Variants in HCRTR2 observed in about 807,000 individuals in gnomAD.
HCRTR2 encodes hypocretin receptor 2, also known as orexin receptor type 2.
In HCRTR2, 22 loss-of-function variants were observed where a neutral mutation model predicts 49.0. That is an observed-to-expected ratio of 0.45 (90% CI 0.32 to 0.64). HCRTR2 has a LOEUF of 0.64. Among genes scored for constraint, HCRTR2 ranks in the 30% least tolerant of loss-of-function variants. The pLI is 0.04. For missense variants in HCRTR2, 491 were observed against 559.4 expected (o/e 0.88, Z 1.23); for synonymous variants, 236 against 205.3 (o/e 1.15, Z -1.28).
At chr6:55,212,406 A>G (rs753164004) in intron 1 of HCRTR2, among the ~76,000 whole-genome samples, 2 of 152,198 alleles carry the variant, frequency 1.3e-5, no homozygotes, top group African/African-American at 2.4e-5. Flanking sequence ...TAAAGCAACA[A>G]TATCAATCTT....
At chr6:55,112,074 C>T (rs531636358) in intron 1 of HCRTR2, among the ~76,000 whole-genome samples, 2 of 151,896 alleles carry the variant, frequency 1.3e-5, no homozygotes, top group South Asian at 2.1e-4. Flanking sequence ...GCAGAAAAAG[C>T]ATTTGACAAA....
chr6:55,108,019 A>G (rs1341569846), intron 1 of HCRTR2, among the ~76,000 whole-genome samples: 1 of 152,246 alleles, frequency 6.6e-6, no homozygotes, highest in South Asian at 2.1e-4. Flanking sequence ...ATCAGAAAAG[A>G]AAAAAATTGA....
chr6:55,251,874 C>T (rs1217433973), intron 2 of HCRTR2, among the ~76,000 whole-genome samples: 1 of 152,026 alleles, frequency 6.6e-6, no homozygotes, highest in African/African-American at 2.4e-5. Context: ...TCTCACTCCA[C>T]TTCATTCTCA....
In HCRTR2 at chr6:55,248,964, G is replaced by A. The variant is rs1248855046; in HGVS notation, c.402+147G>A. 7.0e-6 allele frequency: 5 copies of A among 710,098 alleles called. No individual in the cohort carries two copies. In the African/African-American group the frequency reaches 7.1e-5, roughly 10 times the overall value. The allele number at this position is 710,098 out of a possible 1,614,324, so 44.0% of individuals were successfully genotyped here. On this transcript the variant is annotated intron_variant, in intron 2 of 6. Coordinates refer to ENST00000370862, the MANE Select transcript of HCRTR2 (RefSeq NM_001384272.1). ...AGGAAAATAATACTTGAGAATTTCTGGAGAAATAAGTTAAGTTCTGGGTAA... is the reference window on the plus strand; with the variant it reads ...AGGAAAATAATACTTGAGAATTTCTAGAGAAATAAGTTAAGTTCTGGGTAA...
intron 1 of HCRTR2, among the ~76,000 whole-genome samples, chr6:55,163,842 C>G (rs1764840053): frequency 6.6e-6 from 1 of 152,008 alleles, no homozygotes; most frequent in Non-Finnish European, 1.5e-5. Flanking sequence ...GAACAGGCAA[C>G]CTATAAAATG....
At chr6:55,148,093 G>A (rs541277383) in intron 1 of HCRTR2, among the ~76,000 whole-genome samples, 1 of 152,228 alleles carries the variant, frequency 6.6e-6, no homozygotes, top group Admixed American at 6.5e-5. Context: ...GTTTCCAATG[G>A]TGAGGCAAAC....
intron 1 of HCRTR2, among the ~76,000 whole-genome samples, chr6:55,205,122 T>C (rs1034365836): frequency 5.9e-5 from 9 of 152,158 alleles, no homozygotes; most frequent in African/African-American, 1.9e-4. Context: ...GTCTATTCGA[T>C]AACCAAGTAA....
intron 1 of HCRTR2, among the ~76,000 whole-genome samples, chr6:55,111,486 G>A (rs1209429140): frequency 3.9e-5 from 6 of 151,936 alleles, no homozygotes; most frequent in Non-Finnish European, 8.8e-5. Context: ...TGATACCACA[G>A]AAATATGAAA....
chr6:55,172,084 C>T (rs1286615708), upstream of HCRTR2, among the ~76,000 whole-genome samples: 3 of 152,140 alleles, frequency 2.0e-5, no homozygotes, highest in Admixed American at 2.0e-4. Context: ...TGAACAAAGC[C>T]ACAGAAGGCC....
At chr6:55,212,366 C>T (rs537911598) in intron 1 of HCRTR2, among the ~76,000 whole-genome samples, 1 of 152,240 alleles carries the variant, frequency 6.6e-6, no homozygotes, top group Non-Finnish European at 1.5e-5. Flanking sequence ...TAGTAACATG[C>T]CCAGCTTCAG....
intron 4 of HCRTR2, among the ~76,000 whole-genome samples, chr6:55,267,969 T>TATC: frequency 6.6e-6 from 1 of 152,192 alleles, no homozygotes; most frequent in Non-Finnish European, 1.5e-5. Flanking sequence ...TATCTTCTGT[T>TATC]ATCTGATGTA....
intron 1 of HCRTR2, among the ~76,000 whole-genome samples, chr6:55,121,672 G>T (rs1463774341): frequency 1.3e-5 from 2 of 152,064 alleles, no homozygotes; most frequent in Non-Finnish European, 2.9e-5. Flanking sequence ...TAGCATGAAA[G>T]GCTGTTGAAT....
chr6:55,241,318 A>G (rs1277657338), intron 1 of HCRTR2, among the ~76,000 whole-genome samples: 1 of 152,186 alleles, frequency 6.6e-6, no homozygotes, highest in Non-Finnish European at 1.5e-5. Context: ...AAATATACTC[A>G]GTTCTACATT....
intron 1 of HCRTR2, among the ~76,000 whole-genome samples, chr6:55,123,198 C>G (rs1381016414): frequency 6.6e-6 from 1 of 151,896 alleles, no homozygotes; most frequent in Non-Finnish European, 1.5e-5. Flanking sequence ...GCATCCTTAT[C>G]TTGTGCTGGT....
chr6:55,121,226 C>CT (rs1764194898), intron 1 of HCRTR2, among the ~76,000 whole-genome samples: 1 of 152,040 alleles, frequency 6.6e-6, no homozygotes, highest in African/African-American at 2.4e-5. Flanking sequence ...ATTTTATTCT[C>CT]TTTGAAGCAA....
At chr6:55,197,562 A>G (rs1765439536) in intron 1 of HCRTR2, among the ~76,000 whole-genome samples, 1 of 152,170 alleles carries the variant, frequency 6.6e-6, no homozygotes, top group Non-Finnish European at 1.5e-5. Context: ...ACCTAACTCT[A>G]CATCTAATTA....
At chr6:55,191,355 T>G (rs1432842373) in intron 1 of HCRTR2, among the ~76,000 whole-genome samples, 1 of 152,154 alleles carries the variant, frequency 6.6e-6, no homozygotes, top group Non-Finnish European at 1.5e-5. Context: ...ATTTTCTAGC[T>G]TATGATTTTC....
At chr6:55,227,747 G>T (rs1252540902) in intron 1 of HCRTR2, among the ~76,000 whole-genome samples, 1 of 151,800 alleles carries the variant, frequency 6.6e-6, no homozygotes, top group Non-Finnish European at 1.5e-5. Context: ...GGGGGAAAGG[G>T]GACACTAAAA....
chr6:55,146,221 C>T (rs1764578895), intron 1 of HCRTR2, among the ~76,000 whole-genome samples: 1 of 152,012 alleles, frequency 6.6e-6, no homozygotes, highest in East Asian at 1.9e-4. Context: ...GGCATATATT[C>T]AATGTTTATC....
Sources: allele counts gnomAD v4.1 joint callset (sites outside exome capture counted in the v4.1 genomes callset), GRCh38; gene constraint gnomAD v4.1.1; transcripts MANE v1.5; gene names NCBI Gene and HGNC (gene_info 2026-07-23, HGNC 2026-07-21).